KCNIP4: variants seen among roughly 807,000 people sequenced by gnomAD.
The protein encoded by KCNIP4 is Kv channel-interacting protein 4.
KCNIP4 carries 12 observed loss-of-function variants against 34.0 expected under a neutral mutation model. That is an observed-to-expected ratio of 0.35 (90% CI 0.23 to 0.57). The LOEUF is 0.57. Ranked by LOEUF, KCNIP4 falls within the 20% of genes least tolerant of loss-of-function variation. The pLI, the probability that KCNIP4 is intolerant of heterozygous loss-of-function variation, is 0.83. For synonymous variants in KCNIP4, 124 were observed against 102.2 expected (o/e 1.21, Z -1.29); for missense variants, 238 against 311.7 (o/e 0.76, Z 1.78).
chr4:21,877,575 T>C (rs1403861017), intron 1 of KCNIP4, among the ~76,000 whole-genome samples: 1 of 152,180 alleles, frequency 6.6e-6, no homozygotes, highest in Non-Finnish European at 1.5e-5. Context: ...CCCTCTTCAA[T>C]GGCCACACTG....
At chr4:21,522,523 G>A (rs996640997) in intron 1 of KCNIP4, among the ~76,000 whole-genome samples, 2 of 151,874 alleles carry the variant, frequency 1.3e-5, no homozygotes, top group Non-Finnish European at 2.9e-5. Context: ...ACCACACACA[G>A]CTTACAGTAT....
chr4:20,843,116 C>T (rs1448730816), intron 3 of KCNIP4, among the ~76,000 whole-genome samples: 2 of 151,984 alleles, frequency 1.3e-5, no homozygotes, highest in Middle Eastern at 3.2e-3. Context: ...CCATGTTGGC[C>T]AAGCTGGTCT....
At chr4:21,489,090 G>A (rs965876303) in intron 1 of KCNIP4, among the ~76,000 whole-genome samples, 2 of 152,026 alleles carry the variant, frequency 1.3e-5, no homozygotes, top group South Asian at 2.1e-4. Flanking sequence ...TTTAGACACA[G>A]CACAATAGAA....
intron 1 of KCNIP4, among the ~76,000 whole-genome samples, chr4:21,480,040 T>G (rs990774060): frequency 8.6e-5 from 13 of 151,366 alleles, no homozygotes; most frequent in Non-Finnish European, 1.9e-4. Context: ...ACAGTTTAAA[T>G]TTGAAAGCAG....
chr4:21,301,582 A>G (rs1711709651), intron 1 of KCNIP4, among the ~76,000 whole-genome samples: 1 of 152,202 alleles, frequency 6.6e-6, no homozygotes, highest in African/African-American at 2.4e-5. Flanking sequence ...GTGCAGGAGG[A>G]AAGGAACTCT....
intron 1 of KCNIP4, among the ~76,000 whole-genome samples, chr4:21,430,935 A>AG (rs1197381521): frequency 1.3e-4 from 20 of 152,088 alleles, no homozygotes; most frequent in Non-Finnish European, 2.5e-4. Context: ...CAAAAAAAAA[A>AG]GGCATTGATT....
rs1273353275 is a variant in KCNIP4 at position 21,084,546 on chromosome 4, C to A, written c.62-201837G>T. ...GTGTGTATCCTTTACACCCAGAGTG[C>A]CAATCATCTAGGATGCACCGGTTCT... On this transcript the variant is annotated intron_variant, in intron 1 of 8. Coordinates refer to ENST00000382152, the MANE Select transcript of KCNIP4 (RefSeq NM_025221.6). 2.0e-5 allele frequency among the ~76,000 whole-genome samples: 3 copies of A among 147,420 alleles called. No homozygotes were observed. The East Asian group carries it at 5.9e-4, about 29-fold the overall frequency.
intron 3 of KCNIP4, among the ~76,000 whole-genome samples, chr4:20,770,655 C>T (rs1300807129): frequency 6.6e-6 from 1 of 152,060 alleles, no homozygotes; most frequent in Non-Finnish European, 1.5e-5. Flanking sequence ...AAAAATAAGG[C>T]AGGTGCAGTG....
chr4:21,192,932 TACTA>T, intron 1 of KCNIP4, among the ~76,000 whole-genome samples: 1 of 129,860 alleles, frequency 7.7e-6, no homozygotes, highest in Non-Finnish European at 1.5e-5. Flanking sequence ...CTACTACTAC[TACTA>T]CTACTACTAC....
chr4:20,946,785 A>G (rs548284493), intron 1 of KCNIP4, among the ~76,000 whole-genome samples: 1 of 152,184 alleles, frequency 6.6e-6, no homozygotes, highest in Non-Finnish European at 1.5e-5. Context: ...CAGGATACCT[A>G]TTCCAATCTA....
chr4:20,754,489 A>T (rs1157014930), intron 4 of KCNIP4, among the ~76,000 whole-genome samples: 2 of 152,194 alleles, frequency 1.3e-5, no homozygotes, highest in East Asian at 3.9e-4. Context: ...GCCATCAGAG[A>T]TCACATTCTT....
At chr4:21,812,554 G>A (rs1560733012) in intron 1 of KCNIP4, among the ~76,000 whole-genome samples, 2 of 152,274 alleles carry the variant, frequency 1.3e-5, no homozygotes, top group East Asian at 3.9e-4. Context: ...ATCCATAAGA[G>A]TTGTTTAGCT....
intron 1 of KCNIP4, among the ~76,000 whole-genome samples, chr4:21,250,896 T>C (rs925908769): frequency 6.6e-6 from 1 of 150,404 alleles, no homozygotes; most frequent in Non-Finnish European, 1.5e-5. Context: ...TATATTATAC[T>C]CATATATGTT....
At chr4:21,876,968 C>T (rs191618983) in intron 1 of KCNIP4, among the ~76,000 whole-genome samples, 167 of 151,662 alleles carry the variant, frequency 1.1e-3, no homozygotes, top group Non-Finnish European at 7.9e-4. Context: ...CACTCAATTG[C>T]CTGGATTAGG....
At chr4:21,892,435 T>C (rs542263656) in intron 1 of KCNIP4, among the ~76,000 whole-genome samples, 1 of 151,586 alleles carries the variant, frequency 6.6e-6, no homozygotes, top group African/African-American at 2.4e-5. Context: ...TTTGTGGTGC[T>C]CATTAGAGTG....
At chr4:21,906,113 A>G (rs1249018861) in intron 1 of KCNIP4, among the ~76,000 whole-genome samples, 2 of 152,218 alleles carry the variant, frequency 1.3e-5, no homozygotes, top group Non-Finnish European at 2.9e-5. Context: ...TGGCAATGTT[A>G]AGTGGCAGAA....
intron 1 of KCNIP4, among the ~76,000 whole-genome samples, chr4:21,335,844 A>C (rs1433384604): frequency 6.6e-6 from 1 of 152,176 alleles, no homozygotes; most frequent in Non-Finnish European, 1.5e-5. Context: ...AGAAAGAAGT[A>C]TAAAGAATAA....
chr4:20,785,556 T>C (rs534676766), intron 3 of KCNIP4, among the ~76,000 whole-genome samples: 2 of 152,248 alleles, frequency 1.3e-5, no homozygotes, highest in African/African-American at 4.8e-5. Flanking sequence ...TTATAACACG[T>C]ACATTGCTCA....
At chr4:21,302,892 CT>C (rs1156584627) in intron 1 of KCNIP4, among the ~76,000 whole-genome samples, 1 of 152,052 alleles carries the variant, frequency 6.6e-6, no homozygotes, top group East Asian at 1.9e-4. Flanking sequence ...ATGTATTTTC[CT>C]TTTTACTTAA....
Sources: allele counts gnomAD v4.1 joint callset (sites outside exome capture counted in the v4.1 genomes callset), GRCh38; gene constraint gnomAD v4.1.1; transcripts MANE v1.5; gene names NCBI Gene and HGNC (gene_info 2026-07-23, HGNC 2026-07-21).